Variants in CLSTN2 observed in about 807,000 individuals in gnomAD.
CLSTN2 encodes calsyntenin-2.
In CLSTN2, 48 loss-of-function variants were observed where a neutral mutation model predicts 101.2. That is an observed-to-expected ratio of 0.47 (90% CI 0.38 to 0.60). The LOEUF is 0.60. Among genes scored for constraint, CLSTN2 ranks in the 20% least tolerant of loss-of-function variants. The pLI is 0.00. For synonymous variants in CLSTN2, 481 were observed against 463.6 expected (o/e 1.04, Z -0.48); for missense variants, 1,160 against 1,238.2 (o/e 0.94, Z 0.95).
intron 7 of CLSTN2, among the ~76,000 whole-genome samples, chr3:140,461,700 A>G (rs1040717049): frequency 1.3e-5 from 2 of 152,114 alleles, no homozygotes; most frequent in African/African-American, 4.8e-5. Flanking sequence ...CCAGCTCAAT[A>G]AGAATCTTGG....
chr3:140,489,407 G>A (rs574180455), intron 8 of CLSTN2, among the ~76,000 whole-genome samples: 2 of 152,332 alleles, frequency 1.3e-5, no homozygotes, highest in Non-Finnish European at 2.9e-5. Flanking sequence ...GTGTGCTAGA[G>A]AGTTTTCTGG....
chr3:140,474,908 T>C (rs1326927620), intron 8 of CLSTN2, among the ~76,000 whole-genome samples: 1 of 152,082 alleles, frequency 6.6e-6, no homozygotes, highest in Non-Finnish European at 1.5e-5. Flanking sequence ...TTAGGAGCAA[T>C]TCTGGGCAGC....
intron 1 of CLSTN2, among the ~76,000 whole-genome samples, chr3:140,033,858 C>A (rs1361301109): frequency 5.3e-5 from 8 of 152,082 alleles, no homozygotes; most frequent in Admixed American, 3.9e-4. Flanking sequence ...AAATTGTAGC[C>A]CACTAATCTA....
chr3:140,088,329 C>T (rs373508479), intron 1 of CLSTN2, among the ~76,000 whole-genome samples: 42 of 152,302 alleles, frequency 2.8e-4, no homozygotes, highest in African/African-American at 5.3e-4. Flanking sequence ...GAGTTCCAGA[C>T]AGTTTGTAAT....
In CLSTN2 at chr3:140,564,235, C is replaced by T. The variant is rs1935988567; in HGVS notation, c.2667+90C>T. 7 of 1,210,776 alleles carry T rather than the reference C, an allele frequency of 5.8e-6. No individual in the cohort carries two copies. The East Asian group carries it at 1.4e-4, about 24-fold the overall frequency. 75.0% of individuals were successfully genotyped at this position (1,210,776 alleles called of 1,614,324 possible). ...TCCTATGCCTAAAGCAGCCCCATAC[C>T]CCCTCCTTCTGGAAGCCCTGCCCCA... is the stretch of plus-strand genomic sequence containing the variant. On this transcript the variant is annotated intron_variant, in intron 16 of 16. Coordinates refer to ENST00000458420, the MANE Select transcript of CLSTN2 (RefSeq NM_022131.3).
rs111666039 is a variant in CLSTN2, at chr3:140,568,795, G to A, written c.*2542G>A. The stretch of plus-strand genomic sequence containing the variant: ...GGGTGGCTGCCTTATTCATAGTTGA[G>A]AGAGCTGTTAGGTAAAATCTTTATA... On this transcript the variant is annotated 3_prime_UTR_variant, in exon 17 of 17. Transcript: ENST00000458420. 1 of 152,170 alleles carries A rather than the reference G, an allele frequency of 6.6e-6. No homozygotes were observed. Among genetic ancestry groups the A allele is most frequent in the Admixed American group, 6.5e-5 (1 of 15,282 alleles). The allele number at this position is 152,170 out of a possible 1,614,324, so 9.4% of individuals were successfully genotyped here.
chr3:140,143,982 G>A (rs2009742216), intron 1 of CLSTN2, among the ~76,000 whole-genome samples: 1 of 152,202 alleles, frequency 6.6e-6, no homozygotes, highest in African/African-American at 2.4e-5. Flanking sequence ...GGAGTTGAAT[G>A]TGCTCCCCAG....
chr3:140,563,338 A>G, intron 15 of CLSTN2, 135 bp downstream of exon 15: 1 of 971,150 alleles, frequency 1.0e-6, no homozygotes, highest in Non-Finnish European at 1.5e-6. Context: ...AATGGAGAAA[A>G]TGTGCCCTGG....
chr3:140,462,387 G>T (rs1039974110), intron 7 of CLSTN2, among the ~76,000 whole-genome samples: 1 of 152,152 alleles, frequency 6.6e-6, no homozygotes, highest in Non-Finnish European at 1.5e-5. Context: ...ACACAGCAAT[G>T]CTGTAAAGAG....
intron 2 of CLSTN2, among the ~76,000 whole-genome samples, chr3:140,219,826 T>G (rs1163138946): frequency 6.6e-6 from 1 of 152,208 alleles, no homozygotes; most frequent in Admixed American, 6.5e-5. Flanking sequence ...TGTAAAATAG[T>G]GGGGCACAGC....
chr3:140,038,877 A>C (rs995181005), intron 1 of CLSTN2, among the ~76,000 whole-genome samples: 4 of 152,216 alleles, frequency 2.6e-5, no homozygotes, highest in African/African-American at 7.2e-5. Context: ...GTTATTAGTT[A>C]AAGTGATCTG....
At chr3:139,988,132 C>T (rs935617711) in intron 1 of CLSTN2, among the ~76,000 whole-genome samples, 14 of 152,150 alleles carry the variant, frequency 9.2e-5, no homozygotes, top group South Asian at 6.2e-4. Flanking sequence ...TTGCTGAGTG[C>T]GGCTGGAGCT....
intron 8 of CLSTN2, among the ~76,000 whole-genome samples, chr3:140,517,270 C>T (rs1371909333): frequency 1.3e-5 from 2 of 152,170 alleles, no homozygotes; most frequent in East Asian, 1.9e-4. Flanking sequence ...TTCTCTGGTG[C>T]CTCCTTGATT....
Position 140,556,641 on chromosome 3 carries a change from C to CA in CLSTN2, c.1806dup (p.Val603SerfsTer18). On this transcript the variant is annotated frameshift_variant, in exon 11 of 17. Coordinates refer to ENST00000458420, the MANE Select transcript of CLSTN2 (RefSeq NM_022131.3). LOFTEE classifies it high-confidence loss of function. ...TCCCAACGGCGGGTGTGCGGCGCCT[C>CA]AAAGTATCCTCCAAAGTCCAGTGAG... 1 of 1,613,988 alleles carries CA rather than the reference C, an allele frequency of 6.2e-7. No individual in the cohort carries two copies. The highest frequency in any genetic ancestry group is 8.5e-7 in the Non-Finnish European group (1 of 1,179,944).
chr3:140,342,061 A>G (rs1387694219), intron 2 of CLSTN2, among the ~76,000 whole-genome samples: 1 of 152,212 alleles, frequency 6.6e-6, no homozygotes, highest in East Asian at 1.9e-4. Flanking sequence ...ATACCTTGTC[A>G]TACATAGCCT....
At chr3:140,408,692 G>T (rs2088331543) in intron 4 of CLSTN2, among the ~76,000 whole-genome samples, 1 of 152,108 alleles carries the variant, frequency 6.6e-6, no homozygotes, top group Admixed American at 6.5e-5. Context: ...CCCCAAAGCT[G>T]CCTTAGCTGC....
chr3:140,483,367 A>G (rs554955438), intron 8 of CLSTN2, among the ~76,000 whole-genome samples: 4 of 152,058 alleles, frequency 2.6e-5, no homozygotes, highest in African/African-American at 4.8e-5. Context: ...TTCCAACTAT[A>G]TGGTCAATTT....
At chr3:140,469,828 G>T (rs1449942463) in intron 8 of CLSTN2, among the ~76,000 whole-genome samples, 2 of 152,178 alleles carry the variant, frequency 1.3e-5, no homozygotes, top group Non-Finnish European at 2.9e-5. Context: ...AAGAGGGAGG[G>T]AGAGAGGAAA....
intron 8 of CLSTN2, among the ~76,000 whole-genome samples, chr3:140,528,527 G>T (rs1488318865): frequency 6.6e-6 from 1 of 151,972 alleles, no homozygotes; most frequent in Non-Finnish European, 1.5e-5. Context: ...CATAAAGGCG[G>T]GTGCTTTTTT....
Sources: gnomAD v4.1 joint callset for allele counts (sites outside exome capture counted in the v4.1 genomes callset) on GRCh38, gnomAD v4.1.1 for gene constraint, MANE v1.5 for transcripts, NCBI Gene and HGNC (gene_info 2026-07-23, HGNC 2026-07-21) for gene names.